The following PDE7B variants were observed in gnomAD, a reference collection of about 807,000 sequenced individuals.
PDE7B encodes 3',5'-cyclic-AMP phosphodiesterase 7B.
PDE7B carries 29 observed loss-of-function variants against 56.2 expected under a neutral mutation model. The observed-to-expected ratio is 0.52, with a 90% CI of 0.38 to 0.70. The LOEUF is 0.70. Ranked by LOEUF, PDE7B falls within the 30% of genes least tolerant of loss-of-function variation. The probability of loss-of-function intolerance (pLI) is 0.00; values close to 1 mark genes in which losing one functional copy is unlikely to be tolerated. For synonymous variants in PDE7B, 197 were observed against 196.9 expected, an observed-to-expected ratio of 1.00 and a Z score of 0.00; for missense variants, 490 against 565.0, an observed-to-expected ratio of 0.87 and a Z score of 1.35.
At chr6:135,998,961 G>A (rs969684130) in intron 2 of PDE7B, among the ~76,000 whole-genome samples, 2 of 152,024 alleles carry the variant, frequency 1.3e-5, no homozygotes, top group African/African-American at 4.8e-5. Flanking sequence ...ATTTGCAAGG[G>A]AGGTTGGGAA....
intron 11 of PDE7B, among the ~76,000 whole-genome samples, chr6:136,183,327 C>G (rs1483932853): frequency 6.6e-6 from 1 of 152,038 alleles, no homozygotes; most frequent in Non-Finnish European, 1.5e-5. Context: ...GGCATGGTGG[C>G]TCACGCCTGT....
intron 3 of PDE7B, among the ~76,000 whole-genome samples, chr6:136,134,407 C>T (rs973776082): frequency 2.6e-5 from 4 of 152,048 alleles, no homozygotes; most frequent in Non-Finnish European, 1.5e-5. Context: ...CTTCAATTTG[C>T]TCACCACAAA....
At chr6:135,899,027 G>T (rs558433400) in intron 1 of PDE7B, among the ~76,000 whole-genome samples, 128 of 152,182 alleles carry the variant, frequency 8.4e-4, no homozygotes, top group South Asian at 8.1e-3. Context: ...TGTTCTCATG[G>T]TAGTGAATAA....
chr6:136,077,075 C>T (rs1291931136), intron 2 of PDE7B, among the ~76,000 whole-genome samples: 1 of 120,676 alleles, frequency 8.3e-6, no homozygotes, highest in Non-Finnish European at 1.6e-5. Flanking sequence ...CCACCAAAAT[C>T]AGGATATAAA....
chr6:136,159,597 A>G (rs1040368053), intron 8 of PDE7B, among the ~76,000 whole-genome samples: 5 of 152,152 alleles, frequency 3.3e-5, no homozygotes, highest in Non-Finnish European at 4.4e-5. Context: ...TGGGGCTCTC[A>G]TAGTGTTACC....
chr6:136,132,266 A>G (rs1778130942), intron 3 of PDE7B, among the ~76,000 whole-genome samples: 1 of 151,780 alleles, frequency 6.6e-6, no homozygotes. Flanking sequence ...ACTTTACTAT[A>G]CCTTTTTTTT....
At chr6:136,090,172 T>C (rs546365418) in intron 2 of PDE7B, among the ~76,000 whole-genome samples, 2 of 152,176 alleles carry the variant, frequency 1.3e-5, no homozygotes, top group Non-Finnish European at 2.9e-5. Flanking sequence ...ATCATCTTCT[T>C]CCATTGGGTG....
intron 1 of PDE7B, among the ~76,000 whole-genome samples, chr6:135,877,554 A>T (rs1344384264): frequency 6.6e-6 from 1 of 152,088 alleles, no homozygotes; most frequent in African/African-American, 2.4e-5. Flanking sequence ...GCCCAGGGTC[A>T]TGCTAATGCA....
At chr6:135,965,855 A>G (rs1226095441) in intron 2 of PDE7B, among the ~76,000 whole-genome samples, 1 of 152,122 alleles carries the variant, frequency 6.6e-6, no homozygotes, top group Non-Finnish European at 1.5e-5. Flanking sequence ...CCTCATGAGG[A>G]CTGTAGATTT....
intron 1 of PDE7B, among the ~76,000 whole-genome samples, chr6:135,874,612 T>G (rs1417932752): frequency 6.6e-6 from 1 of 152,192 alleles, no homozygotes; most frequent in Non-Finnish European, 1.5e-5. Flanking sequence ...GTAAAATGAT[T>G]CCTAGATATC....
chr6:135,879,740 C>A lies in PDE7B; in HGVS notation c.21+27721C>A, dbSNP rs146282785. Among the ~76,000 whole-genome samples the A allele has an allele frequency of 3.2e-3, 490 of 152,174 alleles. 2 individuals carry two copies. The highest frequency in any genetic ancestry group is 0.022 in the South Asian group (106 of 4,820). On this transcript the variant is annotated intron_variant, in intron 1 of 12. Coordinates refer to ENST00000308191, the MANE Select transcript of PDE7B (RefSeq NM_018945.4). The stretch of plus-strand genomic sequence containing the variant: ...GCCTAAGAATGATATGAAGACCAGA[C>A]AAAACAATGTGGGATAGATCTTGTG...
chr6:136,146,511 T>A (rs555980325), intron 3 of PDE7B, among the ~76,000 whole-genome samples: 65 of 152,312 alleles, frequency 4.3e-4, no homozygotes, highest in Middle Eastern at 3.4e-3. Context: ...CTCTGCTTCT[T>A]CTCAGGGGCA....
intron 2 of PDE7B, among the ~76,000 whole-genome samples, chr6:136,099,567 A>T (rs1583880653): frequency 2.6e-5 from 4 of 152,328 alleles, no homozygotes; most frequent in African/African-American, 9.6e-5. Flanking sequence ...GGCTGCATAA[A>T]TGTCTTCTTT....
chr6:135,979,074 T>A (rs1338180881), intron 2 of PDE7B, among the ~76,000 whole-genome samples: 1 of 151,730 alleles, frequency 6.6e-6, no homozygotes, highest in Non-Finnish European at 1.5e-5. Context: ...TTATTGAGAG[T>A]TTTTAGTATG....
At chr6:136,166,133 A>C (rs1021098360) in intron 8 of PDE7B, among the ~76,000 whole-genome samples, 1 of 152,070 alleles carries the variant, frequency 6.6e-6, no homozygotes, top group Non-Finnish European at 1.5e-5. Flanking sequence ...CATGTGTCTA[A>C]TGGCACCTCA....
chr6:135,945,710 T>C (rs1243782867), intron 1 of PDE7B, among the ~76,000 whole-genome samples: 1 of 152,144 alleles, frequency 6.6e-6, no homozygotes, highest in African/African-American at 2.4e-5. Context: ...AGTTGTGAAC[T>C]GTAAAAGAAA....
At position 135,861,879 on chromosome 6, in the gene PDE7B, G is replaced by A. The variant is rs374791613; in HGVS notation, c.21+9860G>A. Among the ~76,000 whole-genome samples the A allele has an allele frequency of 1.6e-4, 24 of 151,858 alleles. No homozygotes were observed. The South Asian group carries it at 4.8e-3, about 30-fold the overall frequency. On this transcript the variant is annotated intron_variant, in intron 1 of 12. Transcript: ENST00000308191. The stretch of plus-strand genomic sequence containing the variant: ...TTACTGGGCACTTAGTATTTTGATG[G>A]TATTCCAACTGGCATCTCTTCAATT...
chr6:135,887,715 C>T (rs767962318), intron 1 of PDE7B, among the ~76,000 whole-genome samples: 5 of 152,154 alleles, frequency 3.3e-5, no homozygotes, highest in African/African-American at 1.2e-4. Flanking sequence ...TCTACACCCT[C>T]TCAATTATCT....
At chr6:136,141,309 A>G (rs543327195) in intron 3 of PDE7B, among the ~76,000 whole-genome samples, 16 of 152,320 alleles carry the variant, frequency 1.1e-4, no homozygotes, top group Middle Eastern at 3.4e-3. Flanking sequence ...CATCCCAGGG[A>G]TGAAGCCCAC....
Sources: allele counts gnomAD v4.1 joint callset (sites outside exome capture counted in the v4.1 genomes callset), GRCh38; gene constraint gnomAD v4.1.1; transcripts MANE v1.5; gene names NCBI Gene and HGNC (gene_info 2026-07-23, HGNC 2026-07-21).